PHACTR2: variants seen among roughly 807,000 people sequenced by gnomAD.
The protein encoded by PHACTR2 is phosphatase and actin regulator 2.
Under a neutral mutation model 76.0 loss-of-function variants are expected in PHACTR2, and 30 were observed. The ratio of observed to expected loss-of-function variants is 0.39; its 90% CI spans 0.30 to 0.54. PHACTR2 has a LOEUF of 0.54. Among genes scored for constraint, PHACTR2 ranks in the 20% least tolerant of loss-of-function variants. The pLI is 0.61. For missense variants in PHACTR2, 696 were observed against 781.1 expected (o/e 0.89, Z 1.30); for synonymous variants, 292 against 292.5 (o/e 1.00, Z 0.02).
intron 1 of PHACTR2, among the ~76,000 whole-genome samples, chr6:143,540,403 C>A (rs567623609): frequency 6.6e-6 from 1 of 152,200 alleles, no homozygotes; most frequent in Admixed American, 6.5e-5. Context: ...CAGCCTCCCC[C>A]ACAGCTCCAC....
Position 143,818,767 on chromosome 6 carries a change from G to A in PHACTR2, c.1923-4907G>A, listed in dbSNP as rs987717031. Among the ~76,000 whole-genome samples, 18 of 152,102 alleles carry A rather than the reference G, an allele frequency of 1.2e-4. No individual in the cohort carries two copies. The East Asian group carries it at 1.5e-3, about 13-fold the overall frequency. ...GAGAACAGCATGGGGGAAACCACTC[G>A]CCTGATTCAATTACCTCCCACCAGG... On this transcript the variant is annotated intron_variant, in intron 12 of 12. Transcript: ENST00000440869. This position sits in a 1 kb window ranked among gnomAD's most constrained non-coding sequence, Gnocchi z 4.9.
intron 2 of PHACTR2, among the ~76,000 whole-genome samples, chr6:143,712,822 ATGTT>A (rs1407048901): frequency 3.9e-5 from 6 of 152,186 alleles, no homozygotes; most frequent in African/African-American, 1.4e-4. Context: ...TGGTGTGAAA[ATGTT>A]TGATTGTTAA....
At position 143,553,847 on chromosome 6, in the gene PHACTR2, G is replaced by C. The variant is rs188889999; in HGVS notation, c.217+16640G>C. 1.2e-3 allele frequency among the ~76,000 whole-genome samples: 176 copies of C among 152,324 alleles called. 2 individuals carry two copies. The highest frequency in any genetic ancestry group is 3.7e-3 in the African/African-American group (152 of 41,560). On this transcript the variant is annotated intron_variant, in intron 1 of 11. Coordinates refer to the PHACTR2 transcript ENST00000367584. The surrounding 1 kb of genome is among the most constrained non-coding windows in gnomAD (Gnocchi z 4.2). ...GTGCCGGGGTGAAGGTGTGCAGATT[G>C]CAACCTTAAGTATGGCAACCAAGGC...
intron 1 of PHACTR2, among the ~76,000 whole-genome samples, chr6:143,686,460 A>G (rs1777523539): frequency 1.3e-5 from 2 of 149,850 alleles, no homozygotes; most frequent in Non-Finnish European, 3.0e-5. Context: ...GTACACACAC[A>G]TAGAGGAGAG....
At chr6:143,808,386 C>G (rs1776108135) in intron 12 of PHACTR2, among the ~76,000 whole-genome samples, 1 of 151,988 alleles carries the variant, frequency 6.6e-6, no homozygotes, top group Admixed American at 6.5e-5. Flanking sequence ...ACCTCAGCCT[C>G]TCAGAATGCT....
rs960145876 is a variant in PHACTR2 at position 143,800,077 on chromosome 6, A to G, written c.1846-6980A>G. On this transcript the variant is annotated intron_variant, in intron 11 of 12. Transcript: ENST00000440869. This position sits in a 1 kb window ranked among gnomAD's most constrained non-coding sequence, Gnocchi z 4.8. ...AATCTGGTGCTCGTGTACTGGATGC[A>G]TATATATTTAGGATAGTTAACTCTT... is the stretch of plus-strand genomic sequence containing the variant. Among the ~76,000 whole-genome samples, 1 of 152,098 alleles carries G rather than the reference A, an allele frequency of 6.6e-6. No individual in the cohort carries two copies. Among genetic ancestry groups the G allele is most frequent in the Non-Finnish European group, 1.5e-5 (1 of 68,014 alleles).
In PHACTR2 at chr6:143,757,836, T is replaced by C. The variant is rs1457841531; in HGVS notation, c.455-2565T>C. On this transcript the variant is annotated intron_variant, in intron 4 of 12. Coordinates refer to ENST00000440869, the MANE Select transcript of PHACTR2 (RefSeq NM_001100164.2). This position sits in a 1 kb window ranked among gnomAD's most constrained non-coding sequence, Gnocchi z 4.2. Reference sequence around the variant, plus strand: ...GTCAGTCCCATTCGTTGAATAGACATAGTGTTTACAGCATTGTGTTCGATG... The same window carrying C: ...GTCAGTCCCATTCGTTGAATAGACACAGTGTTTACAGCATTGTGTTCGATG... Among the ~76,000 whole-genome samples the C allele has an allele frequency of 6.6e-6, 1 of 152,200 alleles. No individual in the cohort carries two copies. Among genetic ancestry groups the C allele is most frequent in the Non-Finnish European group, 1.5e-5 (1 of 68,028 alleles).
intron 2 of PHACTR2, among the ~76,000 whole-genome samples, chr6:143,728,937 A>T (rs78228935): frequency 3.3e-5 from 5 of 152,172 alleles, no homozygotes; most frequent in Non-Finnish European, 7.4e-5. Context: ...CAAAGATTTT[A>T]TGTCTAAGAC....
rs1401299987 is a variant in PHACTR2, at chr6:143,583,294, A to G, written c.217+46087A>G. On this transcript the variant is annotated intron_variant, in intron 1 of 11. Transcript: ENST00000367584. This position sits in a 1 kb window ranked among gnomAD's most constrained non-coding sequence, Gnocchi z 4.0. ...TTTAGTGAATGAAAGCACTTATACC[A>G]TGTGAGAATGGGTTACAGAAACACA... Among the ~76,000 whole-genome samples, 2 of 152,246 alleles carry G rather than the reference A, an allele frequency of 1.3e-5. No homozygotes were observed. Among genetic ancestry groups the G allele is most frequent in the Admixed American group, 6.5e-5 (1 of 15,288 alleles).
At position 143,824,918 on chromosome 6, in the gene PHACTR2, T is replaced by A. The variant is rs1195056228; in HGVS notation, c.*1229T>A. 6.6e-6 allele frequency: 1 copy of A among 152,618 alleles called. No homozygotes were observed. The highest frequency in any genetic ancestry group is 1.5e-5 in the Non-Finnish European group (1 of 68,036). The allele number at this position is 152,618 out of a possible 1,614,324, so 9.5% of individuals were successfully genotyped here. A position where few individuals can be genotyped will look rare whatever the true frequency, so the allele number is the denominator to read the frequency against. On this transcript the variant is annotated 3_prime_UTR_variant, in exon 13 of 13. Transcript: ENST00000440869. This position sits in a 1 kb window ranked among gnomAD's most constrained non-coding sequence, Gnocchi z 6.3. ...GATGGCATCCATAGATACAGTACAG[T>A]ATTTACTGTCAATGCAAAAGAATCA...
Position 143,623,069 on chromosome 6 carries a change from C to A in PHACTR2, c.13+14747C>A, listed in dbSNP as rs1458489142. ...TTCCCTAACACTGATGTCAAATATG[C>A]CGGTGAAGAGTTTGAATAAAATGTT... On this transcript the variant is annotated intron_variant, in intron 1 of 11. Transcript: ENST00000305766. This position sits in a 1 kb window ranked among gnomAD's most constrained non-coding sequence, Gnocchi z 5.9. Among the ~76,000 whole-genome samples the A allele has an allele frequency of 6.6e-6, 1 of 151,876 alleles. No homozygotes were observed. The highest frequency in any genetic ancestry group is 1.5e-5 in the Non-Finnish European group (1 of 67,994).
Position 143,548,904 on chromosome 6 carries a change from C to G in PHACTR2, c.217+11697C>G, listed in dbSNP as rs1054498649. Among the ~76,000 whole-genome samples the G allele has an allele frequency of 2.6e-5, 4 of 151,796 alleles. No individual in the cohort carries two copies. Among genetic ancestry groups the G allele is most frequent in the African/African-American group, 9.7e-5 (4 of 41,312 alleles). ...GTTTTAGAGTTGTGGGGGAAACAAG[C>G]AAGAATGAGGCATGTTCCTAGGGAA... On this transcript the variant is annotated intron_variant, in intron 1 of 11. Coordinates refer to the PHACTR2 transcript ENST00000367584. This position sits in a 1 kb window ranked among gnomAD's most constrained non-coding sequence, Gnocchi z 4.5.
chr6:143,586,085 GCTAATTACCA>G (rs1264894201), intron 1 of PHACTR2, among the ~76,000 whole-genome samples: 7 of 152,240 alleles, frequency 4.6e-5, no homozygotes, highest in South Asian at 2.1e-4. Context: ...AGGAAGTTCA[GCTAATTACCA>G]CTCCTGGTCC....
In PHACTR2 at chr6:143,583,920, A is replaced by G. The variant is rs978988767; in HGVS notation, c.217+46713A>G. On this transcript the variant is annotated intron_variant, in intron 1 of 11. Transcript: ENST00000367584. The surrounding 1 kb of genome is among the most constrained non-coding windows in gnomAD (Gnocchi z 4.0). ...CTGGGACGGTGTCTTATTTATCTCTACACTTTTTCTTCCTAGCACTGTGTC... is the reference window on the plus strand; with the variant it reads ...CTGGGACGGTGTCTTATTTATCTCTGCACTTTTTCTTCCTAGCACTGTGTC... Among the ~76,000 whole-genome samples the G allele has an allele frequency of 1.3e-5, 2 of 152,222 alleles. No homozygotes were observed. Among genetic ancestry groups the G allele is most frequent in the African/African-American group, 4.8e-5 (2 of 41,458 alleles).
intron 2 of PHACTR2, among the ~76,000 whole-genome samples, chr6:143,723,939 A>G (rs113805231): frequency 4.6e-5 from 7 of 151,152 alleles, no homozygotes; most frequent in African/African-American, 9.7e-5. Context: ...TAACTGTATA[A>G]TTCTTCCGTT....
rs1265665218 is a variant in PHACTR2, at chr6:143,578,163, C to T, written c.217+40956C>T. Reference sequence around the variant, plus strand: ...TTACTGTTGTTCCTTCACAAAGGAACCATTGCAGTCAAGTGCAGGGCTCCA... The same window carrying T: ...TTACTGTTGTTCCTTCACAAAGGAATCATTGCAGTCAAGTGCAGGGCTCCA... On this transcript the variant is annotated intron_variant, in intron 1 of 11. Transcript: ENST00000367584. The surrounding 1 kb of genome is among the most constrained non-coding windows in gnomAD (Gnocchi z 4.5). 2.0e-5 allele frequency among the ~76,000 whole-genome samples: 3 copies of T among 152,166 alleles called. No individual in the cohort carries two copies. Among genetic ancestry groups the T allele is most frequent in the African/African-American group, 7.2e-5 (3 of 41,436 alleles).
In PHACTR2 at chr6:143,627,755, C is replaced by G. The variant is rs1776284942; in HGVS notation, c.13+19433C>G. Among the ~76,000 whole-genome samples, 1 of 152,070 alleles carries G rather than the reference C, an allele frequency of 6.6e-6. No individual in the cohort carries two copies. The highest frequency in any genetic ancestry group is 1.5e-5 in the Non-Finnish European group (1 of 68,022). On this transcript the variant is annotated intron_variant, in intron 1 of 11. Coordinates refer to the PHACTR2 transcript ENST00000305766. This position sits in a 1 kb window ranked among gnomAD's most constrained non-coding sequence, Gnocchi z 4.3. ...TAGCTGGGACTACAGGCTCGTACCG[C>G]CACGCCCAGCTAATTTTTTGTATTT...
At position 143,624,441 on chromosome 6, in the gene PHACTR2, C is replaced by G. The variant is rs939309363; in HGVS notation, c.13+16119C>G. 1.3e-5 allele frequency among the ~76,000 whole-genome samples: 2 copies of G among 152,136 alleles called. No individual in the cohort carries two copies. The highest frequency in any genetic ancestry group is 4.8e-5 in the African/African-American group (2 of 41,416). On this transcript the variant is annotated intron_variant, in intron 1 of 11. Transcript: ENST00000305766. This position sits in a 1 kb window ranked among gnomAD's most constrained non-coding sequence, Gnocchi z 4.6. Reference sequence around the variant, plus strand: ...TTAATTCTTATGACCAAGACGCAGTCATAGTTACTAATTCATATTCACACA... The same window carrying G: ...TTAATTCTTATGACCAAGACGCAGTGATAGTTACTAATTCATATTCACACA...
At chr6:143,715,711 G>A (rs1023247437) in intron 2 of PHACTR2, among the ~76,000 whole-genome samples, 2 of 152,124 alleles carry the variant, frequency 1.3e-5, no homozygotes, top group African/African-American at 4.8e-5. Context: ...ATCTATAAAT[G>A]CATTCCAACC....
Sources: allele counts gnomAD v4.1 joint callset (sites outside exome capture counted in the v4.1 genomes callset), GRCh38; gene constraint gnomAD v4.1.1; non-coding constraint Gnocchi (gnomAD v3.1); transcripts MANE v1.5; gene names NCBI Gene and HGNC (gene_info 2026-07-23, HGNC 2026-07-21).